Variants in PDE1C observed in about 807,000 individuals in gnomAD.
The protein encoded by PDE1C is dual specificity calcium/calmodulin-dependent 3',5'-cyclic nucleotide phosphodiesterase 1C.
In PDE1C, 62 loss-of-function variants were observed where a neutral mutation model predicts 93.1. The observed-to-expected ratio is 0.67, with a 90% CI of 0.54 to 0.82. PDE1C has a LOEUF of 0.82. PDE1C is among the 40% of genes least tolerant of loss of function. The pLI, the probability that PDE1C is intolerant of heterozygous loss-of-function variation, is 0.00. For synonymous variants in PDE1C, 325 were observed against 310.1 expected, an observed-to-expected ratio of 1.05 and a Z score of -0.50; for missense variants, 742 against 884.6, an observed-to-expected ratio of 0.84 and a Z score of 2.04.
intron 14 of PDE1C, among the ~76,000 whole-genome samples, chr7:31,818,975 CA>C (rs372742111): frequency 1.3e-4 from 20 of 152,178 alleles, no homozygotes; most frequent in African/African-American, 4.6e-4. Flanking sequence ...TAAAAGCATA[CA>C]AAAAACTGGT....
At chr7:31,897,473 C>T (rs980604227) in intron 2 of PDE1C, among the ~76,000 whole-genome samples, 1 of 152,138 alleles carries the variant, frequency 6.6e-6, no homozygotes, top group South Asian at 2.1e-4. Flanking sequence ...TTGGTTTTCT[C>T]TCATATCCAA....
At chr7:31,860,930 CTG>C (rs1366991649) in intron 7 of PDE1C, among the ~76,000 whole-genome samples, 1 of 152,050 alleles carries the variant, frequency 6.6e-6, no homozygotes, top group Non-Finnish European at 1.5e-5. Context: ...AAATAAATAA[CTG>C]TAGCCAAAAC....
intron 1 of PDE1C, among the ~76,000 whole-genome samples, chr7:32,324,458 G>A (rs1052166771): frequency 1.3e-5 from 2 of 152,184 alleles, no homozygotes; most frequent in Non-Finnish European, 2.9e-5. Context: ...TGTTCCCAGG[G>A]AGAATTCAAT....
At position 32,067,880 on chromosome 7, in the gene PDE1C, T is replaced by C. The variant is rs542242538; in HGVS notation, c.101+2413A>G. 3.7e-4 allele frequency among the ~76,000 whole-genome samples: 56 copies of C among 152,324 alleles called. No homozygotes were observed. The South Asian group carries it at 9.9e-3, about 27-fold the overall frequency. On this transcript the variant is annotated intron_variant, in intron 1 of 17. Coordinates refer to ENST00000396191, the MANE Select transcript of PDE1C (RefSeq NM_001191057.4). ...CCACCTATTGATTGAGCATCTACTATGTGCTAAATGCTGTTCTAGGTATTG... is the reference window on the plus strand; with the variant it reads ...CCACCTATTGATTGAGCATCTACTACGTGCTAAATGCTGTTCTAGGTATTG...
chr7:32,399,187 A>G (rs1185162244), intron 1 of PDE1C, among the ~76,000 whole-genome samples: 2 of 152,164 alleles, frequency 1.3e-5, no homozygotes, highest in South Asian at 4.1e-4. Context: ...TCAAGCCATC[A>G]CCTACACACG....
chr7:32,141,346 A>G (rs1800514432), intron 3 of PDE1C, among the ~76,000 whole-genome samples: 2 of 152,212 alleles, frequency 1.3e-5, no homozygotes. Context: ...CCCATTTCTA[A>G]AAAAAGAAAA....
rs530470541 is a variant in PDE1C, at chr7:31,816,302, G to A, written c.1583-148C>T. On this transcript the variant is annotated intron_variant, in intron 14 of 17. Coordinates refer to ENST00000396191, the MANE Select transcript of PDE1C (RefSeq NM_001191057.4). ...TTTGCTTAATTCATCAGATTGGCATGTATACTTAGGAAACGAATAAAATAG... is the reference window on the plus strand; with the variant it reads ...TTTGCTTAATTCATCAGATTGGCATATATACTTAGGAAACGAATAAAATAG... 1.1e-5 allele frequency: 7 copies of A among 666,398 alleles called. No homozygotes were observed. The African/African-American group carries it at 1.3e-4, about 12-fold the overall frequency. The allele number at this position is 666,398 out of a possible 1,614,324, so 41.3% of individuals were successfully genotyped here. A position where few individuals can be genotyped will look rare whatever the true frequency, so the allele number is the denominator to read the frequency against.
intron 1 of PDE1C, among the ~76,000 whole-genome samples, chr7:32,425,035 G>A (rs1785500811): frequency 6.6e-6 from 1 of 151,906 alleles, no homozygotes; most frequent in South Asian, 2.1e-4. Context: ...GATAATAAAA[G>A]CATCCATCCC....
intron 1 of PDE1C, among the ~76,000 whole-genome samples, chr7:32,308,690 T>C (rs1335112784): frequency 1.3e-5 from 2 of 152,262 alleles, no homozygotes; most frequent in Admixed American, 1.3e-4. Flanking sequence ...CTGAGGGTCC[T>C]GTCTGTTAGA....
the PDE1C span, among the ~76,000 whole-genome samples, chr7:31,736,609 A>G: frequency 1.7e-4 from 26 of 152,190 alleles, 2 homozygotes; most frequent in Admixed American, 1.1e-3. Context: ...GTTGCTTGCT[A>G]ATGCTAGAGC....
intron 2 of PDE1C, among the ~76,000 whole-genome samples, chr7:32,008,684 G>A (rs1489582968): frequency 6.6e-6 from 1 of 152,098 alleles, no homozygotes; most frequent in South Asian, 2.1e-4. Flanking sequence ...GAACCTCAGC[G>A]ATTATTGCAA....
the PDE1C span, chr7:31,653,040 C>T: frequency 7.9e-7 from 1 of 1,273,740 alleles, no homozygotes; most frequent in East Asian, 2.6e-5. Flanking sequence ...ATGTGCCTGG[C>T]ACAGAGTATG....
intron 2 of PDE1C, among the ~76,000 whole-genome samples, chr7:32,008,887 T>C (rs1786655393): frequency 6.6e-6 from 1 of 151,668 alleles, no homozygotes; most frequent in South Asian, 2.1e-4. Flanking sequence ...AATCAATAGA[T>C]ATTAAAGGTC....
intron 3 of PDE1C, among the ~76,000 whole-genome samples, chr7:32,134,079 G>C (rs1282890431): frequency 1.3e-5 from 2 of 151,816 alleles, no homozygotes; most frequent in African/African-American, 2.4e-5. Flanking sequence ...TTTGAAAATA[G>C]ATATCATAGA....
the PDE1C span, among the ~76,000 whole-genome samples, chr7:31,617,867 AC>A: frequency 6.6e-6 from 1 of 152,242 alleles, no homozygotes; most frequent in Non-Finnish European, 1.5e-5. Context: ...GAAGAGAGTT[AC>A]TTTTATTTAC....
At chr7:32,095,955 A>G (rs1462562406) in intron 3 of PDE1C, among the ~76,000 whole-genome samples, 1 of 152,200 alleles carries the variant, frequency 6.6e-6, no homozygotes, top group Non-Finnish European at 1.5e-5. Flanking sequence ...AATATTTCCC[A>G]TAATATTATG....
chr7:31,898,007 G>A (rs982882671), intron 2 of PDE1C, among the ~76,000 whole-genome samples: 12 of 149,562 alleles, frequency 8.0e-5, no homozygotes, highest in Admixed American at 6.7e-5. Flanking sequence ...AGTAACAGAA[G>A]GGTTTGGTTT....
upstream of PDE1C, among the ~76,000 whole-genome samples, chr7:32,075,144 C>T (rs1796278893): frequency 6.6e-6 from 1 of 152,208 alleles, no homozygotes; most frequent in African/African-American, 2.4e-5. Context: ...TGACCAACTG[C>T]AAACAAGCTC....
At chr7:31,990,086 T>G (rs185996661) in intron 2 of PDE1C, among the ~76,000 whole-genome samples, 117 of 152,240 alleles carry the variant, frequency 7.7e-4, no homozygotes, top group African/African-American at 2.7e-3. Context: ...TGGGCATTAG[T>G]GCAGGGCCCC....
Sources: allele counts gnomAD v4.1 joint callset (sites outside exome capture counted in the v4.1 genomes callset), GRCh38; gene constraint gnomAD v4.1.1; transcripts MANE v1.5; gene names NCBI Gene and HGNC (gene_info 2026-07-23, HGNC 2026-07-21).